SH3BP2: variants seen among roughly 807,000 people sequenced by gnomAD.
SH3BP2 encodes the protein SH3 domain-binding protein 2.
In SH3BP2, 38 loss-of-function variants were observed where a neutral mutation model predicts 56.2. The observed-to-expected ratio is 0.68, with a 90% CI of 0.52 to 0.89. SH3BP2 has a LOEUF of 0.89. Among genes scored for constraint, SH3BP2 ranks in the 40% least tolerant of loss-of-function variants. The pLI is 0.00. For missense variants in SH3BP2, 748 were observed against 762.6 expected, an observed-to-expected ratio of 0.98 and a Z score of 0.23; for synonymous variants, 346 against 316.7, an observed-to-expected ratio of 1.09 and a Z score of -0.98.
At position 2,830,127 on chromosome 4, in the gene SH3BP2, G is replaced by T; in HGVS notation, c.1221G>T (p.Lys407Asn). 6.2e-7 allele frequency: 1 copy of T among 1,602,576 alleles called. No homozygotes were observed. The highest frequency in any genetic ancestry group is 8.5e-7 in the Non-Finnish European group (1 of 1,179,310). The change falls in exon 8 of 13, where the codon AAG becomes AAT. Residue 407 changes from lysine to asparagine, a missense_variant. Physicochemically the swap from Lys to Asn is moderately conservative, Grantham distance 94. Transcript: ENST00000503393. ...ARPAVLPRPE[K>N]PQLPHLQRSP... is the part of the protein sequence containing the mutation. ...CCGCAGTCCTGCCCAGGCCAGAGAA[G>T]CCGCAGCTCCCGCACCTCCAGTGAG... is the stretch of plus-strand genomic sequence containing the variant.
Position 2,839,864 on chromosome 4 carries a change from G to C in SH3BP2, c.*6030G>C, listed in dbSNP as rs931043551. 2 of 151,964 alleles carry C rather than the reference G, an allele frequency of 1.3e-5. No individual in the cohort carries two copies. Among genetic ancestry groups the C allele is most frequent in the African/African-American group, 4.8e-5 (2 of 41,374 alleles). The allele number at this position is 151,964 out of a possible 1,614,324, so 9.4% of individuals were successfully genotyped here. A position where few individuals can be genotyped will look rare whatever the true frequency, so the allele number is the denominator to read the frequency against. ...CAGGCATGAGCCACTGTGCATGCCA[G>C]TTCTTATTTTTAATGCAGTTGAATT... On this transcript the variant is annotated 3_prime_UTR_variant, in exon 13 of 13. Transcript: ENST00000503393.
intron 8 of SH3BP2, among the ~76,000 whole-genome samples, chr4:2,830,535 T>G (rs1416473111): frequency 6.6e-6 from 1 of 152,214 alleles, no homozygotes; most frequent in African/African-American, 2.4e-5. Context: ...CTAATTTTTG[T>G]ATTTTTAGTA....
intron 1 of SH3BP2, among the ~76,000 whole-genome samples, chr4:2,793,510 G>A (rs547460620): frequency 1.3e-5 from 2 of 151,396 alleles, no homozygotes; most frequent in African/African-American, 4.8e-5. Flanking sequence ...GCGCGGCTTC[G>A]GGGCGGGGGC....
chr4:2,812,165 G>C, intron 1 of SH3BP2: 1 of 1,431,368 alleles, frequency 7.0e-7, no homozygotes, highest in Non-Finnish European at 9.1e-7. Context: ...GGGCAGCCCT[G>C]GGCCCCAGGC....
chr4:2,814,036 C>T (rs1176321770), intron 1 of SH3BP2, among the ~76,000 whole-genome samples: 1 of 152,202 alleles, frequency 6.6e-6, no homozygotes, highest in South Asian at 2.1e-4. Context: ...ACCCTGTGGT[C>T]ACATGAGGTG....
intron 1 of SH3BP2, among the ~76,000 whole-genome samples, chr4:2,807,645 C>G (rs1044278256): frequency 2.0e-5 from 3 of 152,050 alleles, no homozygotes. Flanking sequence ...GGTCCAGTGT[C>G]GGGGGCCCAG....
In SH3BP2 at chr4:2,833,692, C is replaced by T. The variant is rs778144452; in HGVS notation, c.1549-5C>T. On this transcript the variant is annotated splice_polypyrimidine_tract_variant and splice_region_variant and intron_variant, in intron 12 of 12. Coordinates refer to ENST00000503393, the MANE Select transcript of SH3BP2 (RefSeq NM_001122681.2). The stretch of plus-strand genomic sequence containing the variant: ...GCTGACGCTCCCCCTTCTCTTCCCC[C>T]ACAGGACTCTAAGTTCTACCTGGAG... The T allele has an allele frequency of 6.2e-7, 1 of 1,609,594 alleles. No individual in the cohort carries two copies. Among genetic ancestry groups the T allele is most frequent in the Non-Finnish European group, 8.5e-7 (1 of 1,178,066 alleles).
chr4:2,802,712 TACAC>T (rs1247512327), intron 1 of SH3BP2, among the ~76,000 whole-genome samples: 1 of 138,854 alleles, frequency 7.2e-6, no homozygotes, highest in South Asian at 2.2e-4. Flanking sequence ...TATATCTATA[TACAC>T]ACACACACGT....
In SH3BP2 at chr4:2,822,936, G is replaced by C; in HGVS notation, c.138G>C (p.Trp46Cys). ...KGGTQLQLLKWPLRFVIIHKR... is the reference protein window; with the variant it reads ...KGGTQLQLLKCPLRFVIIHKR... ...TCCTGCCCTTGCCACCTCCCACAGG[G>C]CCCCTGCGCTTTGTCATCATCCACA... is the stretch of plus-strand genomic sequence containing the variant. Residue 46 changes from tryptophan to cysteine, a missense_variant and splice_region_variant, in exon 3 of 13, where the codon TGG becomes TGC. Trp to Cys is a radical substitution (Grantham distance 215, BLOSUM62 -2). This residue lies in a region of SH3BP2 where 104 missense variants were observed against 123.1 expected (regional missense o/e 0.84). Transcript: ENST00000503393. 5.0e-6 allele frequency: 8 copies of C among 1,613,450 alleles called. No individual in the cohort carries two copies. The highest frequency in any genetic ancestry group is 5.9e-6 in the Non-Finnish European group (7 of 1,179,602).
chr4:2,833,071 C>A, intron 12 of SH3BP2, 22 bp downstream of exon 12: 1 of 1,611,930 alleles, frequency 6.2e-7, no homozygotes, highest in Non-Finnish European at 8.5e-7. Context: ...CTGAGTGGGA[C>A]GGGGACCCTG....
chr4:2,833,593 G>A, intron 12 of SH3BP2, 104 bp from the exon 13 acceptor site: 3 of 1,465,866 alleles, frequency 2.0e-6, no homozygotes, highest in Non-Finnish European at 9.3e-7. Context: ...GCCTGGTGAT[G>A]CCGCTGTTGA....
intron 5 of SH3BP2, 138 bp from the exon 6 acceptor site, chr4:2,827,092 T>C: frequency 1.4e-6 from 1 of 726,238 alleles, no homozygotes. Context: ...TGTGTGCATG[T>C]GTTTGTCAGT....
At chr4:2,812,887 G>A (rs370470) in intron 1 of SH3BP2, among the ~76,000 whole-genome samples, 118,809 of 151,936 alleles carry the variant, frequency 0.78, 47,051 homozygotes, top group African/African-American at 0.89. Flanking sequence ...TTCTGTTGTG[G>A]GGGGGTAACG....
At chr4:2,798,054 C>A (rs1723118033) in intron 1 of SH3BP2, among the ~76,000 whole-genome samples, 1 of 152,222 alleles carries the variant, frequency 6.6e-6, no homozygotes, top group Non-Finnish European at 1.5e-5. Flanking sequence ...ATCACAGCCT[C>A]CTCCCTTCCC....
In SH3BP2 at chr4:2,840,649, T is replaced by C. The variant is rs1433339190; in HGVS notation, c.*6815T>C. 6.6e-6 allele frequency: 1 copy of C among 152,252 alleles called. No homozygotes were observed. The highest frequency in any genetic ancestry group is 1.9e-4 in the East Asian group (1 of 5,208). 9.4% of individuals were successfully genotyped at this position (152,252 alleles called of 1,614,324 possible). On this transcript the variant is annotated 3_prime_UTR_variant, in exon 13 of 13. Coordinates refer to ENST00000503393, the MANE Select transcript of SH3BP2 (RefSeq NM_001122681.2). ...AGTCTTTTCCACCTTATTTTTCTTCTTTGAGAGTGTCTTGACTATTCTGGC... is the reference window on the plus strand; with the variant it reads ...AGTCTTTTCCACCTTATTTTTCTTCCTTGAGAGTGTCTTGACTATTCTGGC...
intron 1 of SH3BP2, among the ~76,000 whole-genome samples, chr4:2,805,333 GC>G (rs1013482519): frequency 4.6e-5 from 7 of 152,216 alleles, no homozygotes; most frequent in African/African-American, 1.7e-4. Flanking sequence ...CACCCTGGAG[GC>G]CCAGGCTGCG....
chr4:2,811,269 GGTTT>G (rs1358187512), intron 1 of SH3BP2, among the ~76,000 whole-genome samples: 1 of 152,234 alleles, frequency 6.6e-6, no homozygotes, highest in Non-Finnish European at 1.5e-5. Context: ...TGGGGTCCAG[GGTTT>G]GTTGGGAGGC....
rs7681102 is a variant in SH3BP2 at position 2,794,773 on chromosome 4, T to C, written c.-5+1635T>C. Among the ~76,000 whole-genome samples, 1,503 of 152,320 alleles carry C rather than the reference T, an allele frequency of 9.9e-3. 29 individuals are homozygous for C. Among genetic ancestry groups the C allele is most frequent in the African/African-American group, 0.035 (1,440 of 41,570 alleles). On this transcript the variant is annotated intron_variant, in intron 1 of 12. Coordinates refer to ENST00000503393, the MANE Select transcript of SH3BP2 (RefSeq NM_001122681.2). ...AGGGAGGACAGGCTCTGGGCCTGCC[T>C]TGGCCCTTTCTGCCCACATGGACAG...
intron 5 of SH3BP2, chr4:2,826,916 C>A: frequency 1.8e-6 from 1 of 562,448 alleles, no homozygotes; most frequent in Non-Finnish European, 3.4e-6. Context: ...TATATATATC[C>A]ATGCCTGTGT....
Sources: gnomAD v4.1 joint callset for allele counts (sites outside exome capture counted in the v4.1 genomes callset) on GRCh38, gnomAD v4.1.1 for gene constraint, gnomAD v4.1.1 regional missense constraint, MANE v1.5 for transcripts, NCBI Gene and HGNC (gene_info 2026-07-23, HGNC 2026-07-21) for gene names.